FHIT: variants seen among roughly 807,000 people sequenced by gnomAD.
FHIT encodes bis(5'-adenosyl)-triphosphatase.
A neutral mutation model predicts 17.9 loss-of-function variants in FHIT; 19 were observed. The ratio of observed to expected loss-of-function variants is 1.06; its 90% CI spans 0.74 to 1.56. FHIT has a LOEUF of 1.56. FHIT is among the 40% of genes most tolerant of loss of function. FHIT has a pLI of 0.00. For synonymous variants in FHIT, 81 were observed against 69.7 expected (o/e 1.16, Z -0.81); for missense variants, 248 against 189.2 (o/e 1.31, Z -1.82).
chr3:59,806,250 T>C (rs1328470046), intron 8 of FHIT, among the ~76,000 whole-genome samples: 3 of 152,056 alleles, frequency 2.0e-5, no homozygotes, highest in Admixed American at 6.5e-5. Context: ...ACATTACATG[T>C]GTTATGTGGC....
chr3:60,941,075 C>G (rs1315924222), intron 3 of FHIT, among the ~76,000 whole-genome samples: 1 of 152,134 alleles, frequency 6.6e-6, no homozygotes, highest in African/African-American at 2.4e-5. Context: ...AATATGTAAT[C>G]AGTATACAAA....
At chr3:60,949,595 C>G (rs1365423034) in intron 3 of FHIT, among the ~76,000 whole-genome samples, 9 of 152,194 alleles carry the variant, frequency 5.9e-5, no homozygotes, top group African/African-American at 1.4e-4. Context: ...CCTATCCTGT[C>G]GCTGAATTTA....
At chr3:59,865,174 G>A (rs950093840) in intron 8 of FHIT, among the ~76,000 whole-genome samples, 1 of 152,188 alleles carries the variant, frequency 6.6e-6, no homozygotes, top group African/African-American at 2.4e-5. Context: ...TTCTAAACTG[G>A]TGAGTTGGGT....
At chr3:60,710,702 C>T (rs951927426) in intron 4 of FHIT, among the ~76,000 whole-genome samples, 37 of 152,278 alleles carry the variant, frequency 2.4e-4, no homozygotes, top group South Asian at 1.5e-3. Context: ...AACTGCAAGG[C>T]GGCAGCGAGG....
chr3:59,988,846 G>C (rs974462067), intron 7 of FHIT, among the ~76,000 whole-genome samples: 12 of 152,078 alleles, frequency 7.9e-5, no homozygotes, highest in Non-Finnish European at 1.6e-4. Flanking sequence ...TTAGGGCCTC[G>C]AGCAGGAGGA....
rs56094072 is a variant in FHIT at position 60,571,335 on chromosome 3, C to CAA, written c.-17-34358_-17-34357dup. On this transcript the variant is annotated intron_variant, in intron 4 of 9. Transcript: ENST00000492590. Reference sequence around the variant, plus strand: ...TGGGCAACAGGGCAAGACTCCATCGCAAAAAAAAAAAAAAAAAAAAAAAAA... The same window carrying CAA: ...TGGGCAACAGGGCAAGACTCCATCGCAAAAAAAAAAAAAAAAAAAAAAAAAAA... 4.2e-4 allele frequency among the ~76,000 whole-genome samples: 23 copies of CAA among 54,662 alleles called. 1 individual carries two copies. The highest frequency in any genetic ancestry group is 1.6e-3 in the African/African-American group (21 of 12,928). The allele number at this position is 54,662 out of a possible 152,430, so 35.9% of individuals were successfully genotyped here.
At chr3:60,661,074 A>C (rs1221727645) in intron 4 of FHIT, among the ~76,000 whole-genome samples, 3 of 151,906 alleles carry the variant, frequency 2.0e-5, no homozygotes, top group East Asian at 1.9e-4. Context: ...TTATTTCTAT[A>C]GGTTTTGGAA....
intron 5 of FHIT, among the ~76,000 whole-genome samples, chr3:60,358,841 G>A (rs1034551354): frequency 3.3e-5 from 5 of 152,142 alleles, no homozygotes; most frequent in Non-Finnish European, 7.3e-5. Flanking sequence ...CTTTCTGACT[G>A]TCTTCATCTA....
chr3:59,804,766 T>C (rs1461451047), intron 8 of FHIT, among the ~76,000 whole-genome samples: 1 of 152,212 alleles, frequency 6.6e-6, no homozygotes, highest in Non-Finnish European at 1.5e-5. Context: ...CACTGCCACT[T>C]GGGTCTCCTG....
At chr3:60,257,206 ATCTG>A (rs1323923061) in intron 5 of FHIT, among the ~76,000 whole-genome samples, 1 of 152,162 alleles carries the variant, frequency 6.6e-6, no homozygotes, top group Non-Finnish European at 1.5e-5. Context: ...TCATTTCTGT[ATCTG>A]TCTGAGAGTT....
chr3:60,881,073 A>G (rs1039097782), intron 3 of FHIT, among the ~76,000 whole-genome samples: 5 of 152,228 alleles, frequency 3.3e-5, no homozygotes, highest in African/African-American at 1.2e-4. Context: ...CTAAGGATAC[A>G]TACAGATTAA....
chr3:61,055,116 G>GA (rs777160171), intron 2 of FHIT, among the ~76,000 whole-genome samples: 15 of 149,808 alleles, frequency 1.0e-4, no homozygotes, highest in South Asian at 2.1e-4. Context: ...TTGTTTTTCA[G>GA]GAAAAAAAGG....
chr3:61,239,761 C>CT (rs1491311135), intron 1 of FHIT, among the ~76,000 whole-genome samples: 1 of 63,164 alleles, frequency 1.6e-5, no homozygotes, highest in Non-Finnish European at 3.0e-5. Context: ...AAACAACTGG[C>CT]CATATATATA....
intron 4 of FHIT, among the ~76,000 whole-genome samples, chr3:60,720,866 T>G (rs2041794645): frequency 6.6e-6 from 1 of 152,080 alleles, no homozygotes; most frequent in African/African-American, 2.4e-5. Flanking sequence ...AATCTAGCAA[T>G]TCATTTCCCC....
At chr3:60,140,345 C>G (rs1352666962) in intron 5 of FHIT, among the ~76,000 whole-genome samples, 1 of 152,040 alleles carries the variant, frequency 6.6e-6, no homozygotes, top group African/African-American at 2.4e-5. Context: ...GACCTCAGCC[C>G]TGGGGTTTCA....
intron 2 of FHIT, among the ~76,000 whole-genome samples, chr3:61,042,931 G>A (rs1006871429): frequency 5.3e-5 from 8 of 152,046 alleles, no homozygotes; most frequent in Non-Finnish European, 7.4e-5. Flanking sequence ...GCATCAAAAA[G>A]GTTAAGAACA....
At chr3:60,988,102 C>T (rs2029870360) in intron 3 of FHIT, among the ~76,000 whole-genome samples, 1 of 152,172 alleles carries the variant, frequency 6.6e-6, no homozygotes. Flanking sequence ...TAAACAGTTA[C>T]TGCTTTAAAA....
At chr3:59,790,490 T>TTCTC (rs957122236) in intron 8 of FHIT, among the ~76,000 whole-genome samples, 3 of 148,064 alleles carry the variant, frequency 2.0e-5, no homozygotes, top group African/African-American at 7.7e-5. Context: ...TGTTCATTGC[T>TTCTC]TCTCTCTCTC....
At chr3:60,348,760 C>G (rs1057127381) in intron 5 of FHIT, among the ~76,000 whole-genome samples, 2 of 152,316 alleles carry the variant, frequency 1.3e-5, no homozygotes, top group South Asian at 4.1e-4. Context: ...GTGATATCAG[C>G]AAATGGACTT....
Sources: allele counts gnomAD v4.1 joint callset (sites outside exome capture counted in the v4.1 genomes callset), GRCh38; gene constraint gnomAD v4.1.1; transcripts MANE v1.5; gene names NCBI Gene and HGNC (gene_info 2026-07-23, HGNC 2026-07-21).